FAM118A: variants seen among roughly 807,000 people sequenced by gnomAD.
FAM118A encodes protein FAM118A.
In FAM118A, 25 loss-of-function variants were observed where a neutral mutation model predicts 38.2. The observed-to-expected ratio is 0.65, with a 90% CI of 0.48 to 0.91. The LOEUF (loss-of-function observed/expected upper bound fraction) is 0.91, where lower values mean the gene tolerates loss of function less well. Among genes scored for constraint, FAM118A ranks in the 40% least tolerant of loss-of-function variants. The pLI is 0.00. For missense variants in FAM118A, 425 were observed against 463.3 expected (o/e 0.92, Z 0.76); for synonymous variants, 178 against 184.1 (o/e 0.97, Z 0.27).
chr22:45,327,920 A>G lies in FAM118A; in HGVS notation c.379A>G (p.Ser127Gly), dbSNP rs2085404716. Residue 127 changes from serine to glycine, a missense_variant, in exon 4 of 9, where the codon AGT becomes GGT. Transcript: ENST00000441876. ...VFDDLEQHIR[S>G]PVVLQSILSL... ...TGACGACCTGGAGCAGCACATCCGGAGTCCTGTGGTGCTGCAGTCGATCCT... is the reference window on the plus strand; with the variant it reads ...TGACGACCTGGAGCAGCACATCCGGGGTCCTGTGGTGCTGCAGTCGATCCT... The G allele has an allele frequency of 3.1e-6, 5 of 1,614,246 alleles. No individual in the cohort carries two copies. The highest frequency in any genetic ancestry group is 1.6e-4 in the Middle Eastern group (1 of 6,062).
intron 8 of FAM118A, among the ~76,000 whole-genome samples, chr22:45,336,667 G>C (rs1031160855): frequency 1.3e-5 from 2 of 152,204 alleles, no homozygotes; most frequent in Admixed American, 1.3e-4. Flanking sequence ...CTAAGAAGGT[G>C]CAGCGGGCAG....
intron 6 of FAM118A, 139 bp from the exon 7 acceptor site, chr22:45,335,208 CAGG>C: frequency 1.3e-6 from 1 of 799,432 alleles, no homozygotes. Flanking sequence ...GCGAGCAGCG[CAGG>C]AGTCCGCAGC....
chr22:45,339,011 C>T (rs1377050951), intron 8 of FAM118A, among the ~76,000 whole-genome samples: 3 of 152,220 alleles, frequency 2.0e-5, no homozygotes, highest in Admixed American at 6.5e-5. Flanking sequence ...AGCGTCCTGC[C>T]GTCCAGGGGC....
At chr22:45,335,509 C>T in intron 7 of FAM118A, 127 bp downstream of exon 7, 2 of 1,060,748 alleles carry the variant, frequency 1.9e-6, no homozygotes, top group Middle Eastern at 2.0e-4. Flanking sequence ...TAAAACAGCC[C>T]CACTGAAGAT....
intron 8 of FAM118A, among the ~76,000 whole-genome samples, chr22:45,339,735 T>TCTGCTGTTG (rs2086350614): frequency 6.6e-6 from 1 of 152,356 alleles, no homozygotes; most frequent in East Asian, 1.9e-4. Context: ...TTGGCTTTCT[T>TCTGCTGTTG]CTGCTGTTGC....
chr22:45,327,082 A>T (rs112109620), intron 3 of FAM118A, among the ~76,000 whole-genome samples: 1 of 151,390 alleles, frequency 6.6e-6, no homozygotes, highest in African/African-American at 2.4e-5. Context: ...AAAATTTTTA[A>T]AAAATATAAT....
At position 45,332,725 on chromosome 22, in the gene FAM118A, T is replaced by G. The variant is rs779795845; in HGVS notation, c.937+15T>G. The G allele has an allele frequency of 1.3e-6, 2 of 1,547,386 alleles. No homozygotes were observed. The highest frequency in any genetic ancestry group is 1.7e-6 in the Non-Finnish European group (2 of 1,152,276). On this transcript the variant is annotated intron_variant, in intron 6 of 8. Transcript: ENST00000441876. Reference sequence around the variant, plus strand: ...GCAAAGCCCAGGTATGGGATCTGGCTTCACTTTCCTTTTTCTTTCTTTTTT... The same window carrying G: ...GCAAAGCCCAGGTATGGGATCTGGCGTCACTTTCCTTTTTCTTTCTTTTTT...
At chr22:45,324,933 G>A (rs761205412) in intron 3 of FAM118A, among the ~76,000 whole-genome samples, 9 of 152,222 alleles carry the variant, frequency 5.9e-5, no homozygotes, top group Non-Finnish European at 1.0e-4. Context: ...TGTAATCCCA[G>A]CTACTCAGGA....
chr22:45,338,002 G>A, intron 8 of FAM118A: 1 of 589,550 alleles, frequency 1.7e-6, no homozygotes, highest in African/African-American at 2.0e-5. Flanking sequence ...GAGTTTTTAG[G>A]ATCCTCTTTT....
At position 45,322,412 on chromosome 22, in the gene FAM118A, T is replaced by C; in HGVS notation, c.33T>C (p.Ser11=). The change falls in exon 2 of 9, where the codon AGT becomes AGC. Residue 11 remains serine, a synonymous_variant. Coordinates refer to ENST00000441876, the MANE Select transcript of FAM118A (RefSeq NM_017911.4). The stretch of plus-strand genomic sequence containing the variant: ...CAGTGGAAAAGACAACAAATAGAAG[T>C]GAACAAAAATCCAGGTAATTAAAGG... The part of the protein sequence containing the change: MDSVEKTTNR[S]EQKSRKFLKS... 1 of 1,609,652 alleles carries C rather than the reference T, an allele frequency of 6.2e-7. No individual in the cohort carries two copies. Among genetic ancestry groups the C allele is most frequent in the Non-Finnish European group, 8.5e-7 (1 of 1,178,916 alleles).
intron 1 of FAM118A, among the ~76,000 whole-genome samples, chr22:45,312,556 C>G (rs992720144): frequency 6.6e-6 from 1 of 152,180 alleles, no homozygotes; most frequent in Admixed American, 6.5e-5. Flanking sequence ...CACCTGTAAT[C>G]TCAGCTACTC....
intron 7 of FAM118A, among the ~76,000 whole-genome samples, chr22:45,335,912 C>G (rs759019420): frequency 6.6e-6 from 1 of 152,210 alleles, no homozygotes; most frequent in Non-Finnish European, 1.5e-5. Context: ...CTCCCCTTGC[C>G]GAATCATTTG....
chr22:45,332,327 G>A (rs765547851), intron 5 of FAM118A, 98 bp from the exon 6 acceptor site: 135 of 1,304,076 alleles, frequency 1.0e-4, no homozygotes, highest in Middle Eastern at 8.2e-4. Flanking sequence ...CGCCTGTCAG[G>A]GAGCAGTGAT....
At chr22:45,337,785 T>A (rs2086211105) in intron 8 of FAM118A, 1 of 980,274 alleles carries the variant, frequency 1.0e-6, no homozygotes, top group East Asian at 1.1e-4. Context: ...TGAGGCCGCT[T>A]CTGCAGACCC....
At chr22:45,325,196 G>C (rs1242040735) in intron 3 of FAM118A, among the ~76,000 whole-genome samples, 1 of 152,178 alleles carries the variant, frequency 6.6e-6, no homozygotes, top group African/African-American at 2.4e-5. Context: ...AAGAGAGACT[G>C]TTTGTCTAGA....
chr22:45,315,151 T>G (rs943887732), intron 1 of FAM118A, among the ~76,000 whole-genome samples: 1 of 152,244 alleles, frequency 6.6e-6, no homozygotes, highest in African/African-American at 2.4e-5. Context: ...TAGATTCTTT[T>G]TCTAGTGGTG....
chr22:45,326,921 G>A (rs1472287498), intron 3 of FAM118A, among the ~76,000 whole-genome samples: 1 of 149,628 alleles, frequency 6.7e-6, no homozygotes, highest in African/African-American at 2.5e-5. Context: ...GAGGTTGGAG[G>A]ATCACTTGAG....
At chr22:45,326,324 C>T (rs191736576) in intron 3 of FAM118A, among the ~76,000 whole-genome samples, 155 of 152,300 alleles carry the variant, frequency 1.0e-3, no homozygotes, top group African/African-American at 2.6e-3. Context: ...TCAAGGCCAC[C>T]GGTGAAACAC....
intron 1 of FAM118A, among the ~76,000 whole-genome samples, chr22:45,310,868 C>T (rs184224855): frequency 7.6e-4 from 116 of 151,852 alleles, no homozygotes; most frequent in African/African-American, 2.6e-3. Flanking sequence ...AGTTAGGGCA[C>T]ATGGGGACGC....
Sources: allele counts gnomAD v4.1 joint callset (sites outside exome capture counted in the v4.1 genomes callset), GRCh38; gene constraint gnomAD v4.1.1; transcripts MANE v1.5; gene names NCBI Gene and HGNC (gene_info 2026-07-23, HGNC 2026-07-21).